Variants in AZIN2 observed in about 807,000 individuals in gnomAD.
AZIN2 encodes the protein ODC antizyme inhibitor-2.
AZIN2 carries 28 observed loss-of-function variants against 47.8 expected under a neutral mutation model. The ratio of observed to expected loss-of-function variants is 0.59; its 90% CI spans 0.43 to 0.80. AZIN2 has a LOEUF of 0.80. AZIN2 is among the 30% of genes least tolerant of loss of function. The pLI is 0.00. For synonymous variants in AZIN2, 221 were observed against 239.4 expected (o/e 0.92, Z 0.71); for missense variants, 535 against 582.5 (o/e 0.92, Z 0.84).
chr1:33,142,811 G>A, the AZIN2 span: 1 of 152,222 alleles, frequency 6.6e-6, no homozygotes, highest in Non-Finnish European at 1.5e-5. Flanking sequence ...TCTGGCTTTA[G>A]CTTTGGATGG....
intron 8 of AZIN2, among the ~76,000 whole-genome samples, chr1:33,096,129 T>C (rs982010359): frequency 6.6e-6 from 1 of 152,196 alleles, no homozygotes; most frequent in Non-Finnish European, 1.5e-5. Flanking sequence ...TGAGCCACCA[T>C]GCCTGGCCAG....
In AZIN2 at chr1:33,120,025, AC is replaced by A. The variant is rs1644746434; in HGVS notation, c.1245-15del. 3.7e-6 allele frequency: 6 copies of A among 1,613,032 alleles called. No homozygotes were observed. The highest frequency in any genetic ancestry group is 5.1e-6 in the Non-Finnish European group (6 of 1,179,854). On this transcript the variant is annotated intron_variant, in intron 11 of 11. Transcript: ENST00000294517. ...CAGTCCCATGCTGGCTACTTGCAGCACCCCTCTCTCACCCCTAGGGAAGCGC... is the reference window on the plus strand; with the variant it reads ...CAGTCCCATGCTGGCTACTTGCAGCACCCTCTCTCACCCCTAGGGAAGCGC...
chr1:33,122,126 G>T lies in AZIN2; in HGVS notation c.*1944G>T, dbSNP rs1644805800. ...AGACTCTGAGACTTCTTCCATCTCAGATCTCCAAGCACTCATACTTCTTTT... is the reference window on the plus strand; with the variant it reads ...AGACTCTGAGACTTCTTCCATCTCATATCTCCAAGCACTCATACTTCTTTT... On this transcript the variant is annotated 3_prime_UTR_variant, in exon 12 of 12. Transcript: ENST00000294517. Among the ~76,000 whole-genome samples, 2 of 152,184 alleles carry T rather than the reference G, an allele frequency of 1.3e-5. No homozygotes were observed. The highest frequency in any genetic ancestry group is 4.1e-4 in the South Asian group (2 of 4,832).
At position 33,121,510 on chromosome 1, in the gene AZIN2, C is replaced by T. The variant is rs897097036; in HGVS notation, c.*1328C>T. 1.3e-5 allele frequency among the ~76,000 whole-genome samples: 2 copies of T among 152,096 alleles called. No homozygotes were observed. The highest frequency in any genetic ancestry group is 2.4e-5 in the African/African-American group (1 of 41,398). On this transcript the variant is annotated 3_prime_UTR_variant, in exon 12 of 12. Coordinates refer to ENST00000294517, the MANE Select transcript of AZIN2 (RefSeq NM_052998.4). ...CAGGGAGGTGGAGGTCGCAGTGAGC[C>T]GAGGTTGCAGTGAGCCGAGATTGCA...
At chr1:33,125,451 C>T (rs1644850069), downstream of AZIN2, among the ~76,000 whole-genome samples, 2 of 152,322 alleles carry the variant, frequency 1.3e-5, no homozygotes, top group South Asian at 4.1e-4. Flanking sequence ...CAGTTTCTCA[C>T]ATTTACTGAC....
chr1:33,149,041 G>A, the AZIN2 span, among the ~76,000 whole-genome samples: 3 of 152,154 alleles, frequency 2.0e-5, no homozygotes, highest in South Asian at 2.1e-4. Context: ...CTCTCTGCTT[G>A]TTGCAACCAC....
chr1:33,083,923 G>A lies in AZIN2; in HGVS notation c.106-31G>A, dbSNP rs112142445. On this transcript the variant is annotated intron_variant, in intron 4 of 11. Coordinates refer to ENST00000294517, the MANE Select transcript of AZIN2 (RefSeq NM_052998.4). ...ATGCACAGGGTGCGAGCTGGATGGG[G>A]TCTCACATTCATCCACTTCTTGTCA... 5.3e-3 allele frequency: 8,470 copies of A among 1,612,748 alleles called. 365 individuals carry two copies. In the African/African-American group the frequency reaches 0.095, roughly 18 times the overall value.
the AZIN2 span, among the ~76,000 whole-genome samples, chr1:33,150,680 C>T: frequency 6.6e-6 from 1 of 152,310 alleles, no homozygotes; most frequent in South Asian, 2.1e-4. Flanking sequence ...TTGTCAGAAC[C>T]AGGGGGCCCC....
rs933449603 is a variant in AZIN2, at chr1:33,122,861, T to C, written c.*2679T>C. The stretch of plus-strand genomic sequence containing the variant: ...AGTTAACAGATCTGAGCTTCCATCT[T>C]CTCATACTCAGGACTGGCCCCTTCT... On this transcript the variant is annotated 3_prime_UTR_variant, in exon 12 of 12. Transcript: ENST00000294517. Among the ~76,000 whole-genome samples, 6 of 152,142 alleles carry C rather than the reference T, an allele frequency of 3.9e-5. No individual in the cohort carries two copies. The highest frequency in any genetic ancestry group is 8.8e-5 in the Non-Finnish European group (6 of 68,036).
intron 5 of AZIN2, among the ~76,000 whole-genome samples, chr1:33,091,354 C>T (rs1342990390): frequency 6.6e-6 from 1 of 152,138 alleles, no homozygotes; most frequent in Non-Finnish European, 1.5e-5. Flanking sequence ...AGTCTCCTGC[C>T]TCAGCCTCCT....
At chr1:33,126,678 C>T (rs949028589), downstream of AZIN2, among the ~76,000 whole-genome samples, 2 of 152,236 alleles carry the variant, frequency 1.3e-5, no homozygotes, top group African/African-American at 2.4e-5. Flanking sequence ...CAGCTCCATA[C>T]ACTAGTGAGC....
At chr1:33,097,962 A>G (rs992671335) in intron 9 of AZIN2, 105 bp from the exon 10 acceptor site, 3 of 751,670 alleles carry the variant, frequency 4.0e-6, no homozygotes, top group Non-Finnish European at 4.7e-6. Flanking sequence ...TGGTTGAGGA[A>G]TGGGTAGCCA....
chr1:33,083,956 C>G lies in AZIN2; in HGVS notation c.108C>G (p.Asp36Glu). The G allele has an allele frequency of 6.2e-7, 1 of 1,614,076 alleles. No individual in the cohort carries two copies. Among genetic ancestry groups the G allele is most frequent in the Non-Finnish European group, 8.5e-7 (1 of 1,180,016 alleles). The change falls in exon 5 of 12, where the codon GAC (aspartate) becomes GAG (glutamate). Residue 36 changes from aspartate (D) to glutamate (E), a missense_variant and splice_region_variant. By Grantham distance (45) the Asp-to-Glu change is conservative. Transcript: ENST00000294517. ...LTLGASQATT[D>E]EVAAFFVADL... The stretch of plus-strand genomic sequence containing the variant: ...TTCATCCACTTCTTGTCATTCAGGA[C>G]GAGGTAGCTGCCTTCTTCGTGGCTG...
At chr1:33,101,284 C>T (rs766534933) in intron 10 of AZIN2, among the ~76,000 whole-genome samples, 97 of 152,268 alleles carry the variant, frequency 6.4e-4, no homozygotes, top group Non-Finnish European at 1.3e-3. Context: ...AGCGATTGTC[C>T]AGCCTCAGCC....
chr1:33,114,834 G>A lies in AZIN2; in HGVS notation c.1030-3068G>A, dbSNP rs963379726. 4.6e-5 allele frequency among the ~76,000 whole-genome samples: 7 copies of A among 151,692 alleles called. No homozygotes were observed. In the East Asian group the frequency reaches 1.4e-3, roughly 29 times the overall value. On this transcript the variant is annotated intron_variant, in intron 10 of 11. Coordinates refer to ENST00000294517, the MANE Select transcript of AZIN2 (RefSeq NM_052998.4). Reference sequence around the variant, plus strand: ...ATTTTTGTATTTTTAGTAGCGACAGGGTTTTGCCATGTTGGCCAGGCTGGC... The same window carrying A: ...ATTTTTGTATTTTTAGTAGCGACAGAGTTTTGCCATGTTGGCCAGGCTGGC...
intron 6 of AZIN2, among the ~76,000 whole-genome samples, chr1:33,092,762 C>T (rs918192871): frequency 1.5e-4 from 23 of 150,792 alleles, no homozygotes; most frequent in African/African-American, 3.4e-4. Context: ...TGGTCGGGGG[C>T]GGGGAGCCGA....
At chr1:33,098,215 G>A in intron 10 of AZIN2, 36 bp downstream of exon 10, 1 of 1,419,354 alleles carries the variant, frequency 7.0e-7, no homozygotes, top group Non-Finnish European at 9.8e-7. Flanking sequence ...TTTCAGTTGT[G>A]TGTGTGTATT....
intron 6 of AZIN2, 89 bp downstream of exon 6, chr1:33,092,311 A>G (rs1385850818): frequency 4.8e-6 from 3 of 631,128 alleles, no homozygotes; most frequent in Non-Finnish European, 5.8e-6. Context: ...GGCTGTGGGG[A>G]GGCTGGGCTG....
rs760769089 is a variant in AZIN2 at position 33,118,068 on chromosome 1, G to T, written c.1196G>T (p.Trp399Leu). 1.0e-5 allele frequency: 16 copies of T among 1,525,242 alleles called. No individual in the cohort carries two copies. In the South Asian group the frequency reaches 2.0e-4, roughly 19 times the overall value. The allele number at this position is 1,525,242 out of a possible 1,614,324, so 94.5% of individuals were successfully genotyped here. A position where few individuals can be genotyped will look rare whatever the true frequency, so the allele number is the denominator to read the frequency against. The change falls in exon 11 of 12, where the codon TGG (tryptophan) becomes TTG (leucine). Residue 399 changes from tryptophan (W) to leucine (L), a missense_variant. Trp to Leu is a moderately conservative substitution (Grantham distance 61, BLOSUM62 -2). Around this residue, in one of 3 missense-constraint regions of AZIN2, gnomAD observed 122 missense variants for 135.8 expected, o/e 0.90. Transcript: ENST00000294517. ...AYTVGMGSPF[W>L]GTQACHITYA... Reference sequence around the variant, plus strand: ...ACTGTGGGCATGGGTTCCCCCTTTTGGGGGACCCAGGCCTGCCACATCACC... The same window carrying T: ...ACTGTGGGCATGGGTTCCCCCTTTTTGGGGACCCAGGCCTGCCACATCACC...
Sources: allele counts gnomAD v4.1 joint callset (sites outside exome capture counted in the v4.1 genomes callset), GRCh38; gene constraint gnomAD v4.1.1; regional missense constraint gnomAD v4.1.1; transcripts MANE v1.5; gene names NCBI Gene and HGNC (gene_info 2026-07-23, HGNC 2026-07-21).